FBXO36: variants seen among roughly 807,000 people sequenced by gnomAD.
FBXO36 encodes F-box protein 36.
A neutral mutation model predicts 17.0 loss-of-function variants in FBXO36; 18 were observed. The observed-to-expected ratio is 1.06, with a 90% confidence interval of 0.73 to 1.57. The LOEUF is 1.57. Ranked by LOEUF, FBXO36 falls within the 40% of genes most tolerant of loss-of-function variation. FBXO36 has a pLI of 0.00. For synonymous variants in FBXO36, 83 were observed against 85.3 expected (o/e 0.97, Z 0.15); for missense variants, 229 against 221.9 (o/e 1.03, Z -0.20).
At chr2:229,932,719 C>CTGGAAA (rs1297773847) in intron 1 of FBXO36, 1 of 156,342 alleles carries the variant, frequency 6.4e-6, no homozygotes, top group Non-Finnish European at 1.4e-5. Context: ...GTGTTTTATA[C>CTGGAAA]TGGAAAAAGC....
chr2:229,963,279 T>A (rs1362093148), intron 1 of FBXO36, among the ~76,000 whole-genome samples: 1 of 151,466 alleles, frequency 6.6e-6, no homozygotes, highest in Non-Finnish European at 1.5e-5. Context: ...TTGGCCAGGA[T>A]GGTTTAGATT....
At chr2:229,991,704 T>TG (rs926336639) in intron 2 of FBXO36, among the ~76,000 whole-genome samples, 8 of 152,208 alleles carry the variant, frequency 5.3e-5, no homozygotes, top group Non-Finnish European at 1.2e-4. Flanking sequence ...TAATTCTTAT[T>TG]GGGGTCTACT....
rs181922679 is a variant in FBXO36, at chr2:229,941,889, G to A, written c.96+19280G>A. On this transcript the variant is annotated intron_variant, in intron 1 of 3. Transcript: ENST00000283946. The stretch of plus-strand genomic sequence containing the variant: ...AAATTGGCCGGGTGTGGTGGCGCAT[G>A]CCTATAATCCCAGCTACTCAGGAGG... Among the ~76,000 whole-genome samples the A allele has an allele frequency of 1.9e-4, 29 of 152,196 alleles. No homozygotes were observed. The East Asian group carries it at 5.4e-3, about 29-fold the overall frequency.
At chr2:229,969,805 C>A (rs1244574522) in intron 1 of FBXO36, among the ~76,000 whole-genome samples, 3 of 152,282 alleles carry the variant, frequency 2.0e-5, no homozygotes, top group Admixed American at 6.5e-5. Flanking sequence ...TATTTGTAAA[C>A]CACATATCTG....
At chr2:229,980,329 G>A (rs944733298) in intron 2 of FBXO36, among the ~76,000 whole-genome samples, 4 of 152,078 alleles carry the variant, frequency 2.6e-5, no homozygotes, top group Non-Finnish European at 5.9e-5. Flanking sequence ...CCAAAGTGCC[G>A]GGGATTATAG....
chr2:229,943,792 T>C (rs2077012557), intron 1 of FBXO36, among the ~76,000 whole-genome samples: 1 of 152,158 alleles, frequency 6.6e-6, no homozygotes, highest in Admixed American at 6.5e-5. Context: ...TAGCAGTGTC[T>C]GTTTGCTGAA....
chr2:229,977,755 G>A (rs777742229), intron 2 of FBXO36, among the ~76,000 whole-genome samples: 1 of 151,952 alleles, frequency 6.6e-6, no homozygotes, highest in Non-Finnish European at 1.5e-5. Flanking sequence ...CGGCCAGAAT[G>A]GTTTTTAACT....
intron 1 of FBXO36, among the ~76,000 whole-genome samples, chr2:229,975,978 G>A (rs896408869): frequency 1.3e-5 from 2 of 151,960 alleles, no homozygotes; most frequent in Admixed American, 6.6e-5. Flanking sequence ...AAAGTGCTGG[G>A]ATTACAAGTG....
At chr2:229,972,640 C>T (rs886568032) in intron 1 of FBXO36, among the ~76,000 whole-genome samples, 2 of 151,820 alleles carry the variant, frequency 1.3e-5, no homozygotes, top group African/African-American at 2.4e-5. Context: ...GTCATCCCAC[C>T]GACATTCAGT....
intron 1 of FBXO36, among the ~76,000 whole-genome samples, chr2:229,962,676 G>A (rs1268908841): frequency 4.7e-5 from 7 of 150,030 alleles, no homozygotes; most frequent in Admixed American, 4.0e-4. Flanking sequence ...AGCAGCCTTG[G>A]CATTTATTTA....
At chr2:229,996,460 A>G (rs1175412621) in intron 2 of FBXO36, among the ~76,000 whole-genome samples, 1 of 152,118 alleles carries the variant, frequency 6.6e-6, no homozygotes, top group Non-Finnish European at 1.5e-5. Context: ...CGTTAGTGGT[A>G]TAGACTGGAG....
intron 1 of FBXO36, among the ~76,000 whole-genome samples, chr2:229,938,258 G>T (rs1410516380): frequency 1.3e-5 from 1 of 75,960 alleles, no homozygotes; most frequent in African/African-American, 5.5e-5. Flanking sequence ...TTTCGCTCTT[G>T]TCGCCCAGGC....
chr2:229,946,110 G>T (rs186330598), intron 1 of FBXO36, among the ~76,000 whole-genome samples: 1 of 152,224 alleles, frequency 6.6e-6, no homozygotes, highest in East Asian at 1.9e-4. Context: ...GCCCCAGGGG[G>T]TTGTGGTGGA....
chr2:229,969,644 C>T (rs1162637135), intron 1 of FBXO36, among the ~76,000 whole-genome samples: 3 of 151,718 alleles, frequency 2.0e-5, no homozygotes, highest in African/African-American at 4.8e-5. Flanking sequence ...GCCAAGATCA[C>T]GCCACCACAC....
intron 1 of FBXO36, among the ~76,000 whole-genome samples, chr2:229,974,400 T>C (rs1490696659): frequency 6.6e-6 from 1 of 152,220 alleles, no homozygotes; most frequent in Non-Finnish European, 1.5e-5. Context: ...ATGTGTGCCA[T>C]GGAGAGCGTC....
chr2:229,949,294 C>T (rs970752708), intron 1 of FBXO36, among the ~76,000 whole-genome samples: 2 of 152,110 alleles, frequency 1.3e-5, no homozygotes, highest in African/African-American at 2.4e-5. Context: ...TTCTGGCATC[C>T]CACCTCAGGG....
At chr2:229,970,351 C>G (rs1168064310) in intron 1 of FBXO36, among the ~76,000 whole-genome samples, 2 of 152,120 alleles carry the variant, frequency 1.3e-5, no homozygotes, top group Non-Finnish European at 2.9e-5. Context: ...GAGATGCTAT[C>G]TCTATTTAAA....
intron 1 of FBXO36, among the ~76,000 whole-genome samples, chr2:229,948,981 C>T (rs890413073): frequency 3.3e-5 from 5 of 152,082 alleles, no homozygotes; most frequent in African/African-American, 1.2e-4. Flanking sequence ...CTACAGGCGC[C>T]GGCCACCACA....
chr2:229,982,141 A>C (rs190505625), intron 2 of FBXO36, among the ~76,000 whole-genome samples: 1 of 151,900 alleles, frequency 6.6e-6, no homozygotes, highest in African/African-American at 2.4e-5. Flanking sequence ...TTCCCACCTC[A>C]GCCTCCTAAG....
Sources: gnomAD v4.1 joint callset for allele counts (sites outside exome capture counted in the v4.1 genomes callset) on GRCh38, gnomAD v4.1.1 for gene constraint, MANE v1.5 for transcripts, NCBI Gene and HGNC (gene_info 2026-07-23, HGNC 2026-07-21) for gene names.